Variants in SPAG16 observed in about 807,000 individuals in gnomAD.
SPAG16 encodes sperm-associated antigen 16 protein.
A neutral mutation model predicts 80.4 loss-of-function variants in SPAG16; 86 were observed. The observed-to-expected ratio is 1.07, with a 90% CI of 0.90 to 1.28. The LOEUF is 1.28. Ranked by LOEUF, SPAG16 falls within the 50% of genes most tolerant of loss-of-function variation. SPAG16 has a pLI of 0.00. For missense variants in SPAG16, 870 were observed against 765.3 expected (o/e 1.14, Z -1.61); for synonymous variants, 294 against 265.9 (o/e 1.11, Z -1.03).
At chr2:214,309,314 G>A (rs901167699) in intron 15 of SPAG16, among the ~76,000 whole-genome samples, 9 of 151,812 alleles carry the variant, frequency 5.9e-5, no homozygotes, top group African/African-American at 1.4e-4. Flanking sequence ...TAGCTTCCTC[G>A]CACTGGGTTA....
At chr2:213,728,111 A>G (rs1206419779) in intron 10 of SPAG16, among the ~76,000 whole-genome samples, 1 of 152,212 alleles carries the variant, frequency 6.6e-6, no homozygotes, top group Non-Finnish European at 1.5e-5. Context: ...GGCCTCCCAA[A>G]GTGCTTGGAT....
At chr2:214,034,193 A>T (rs1337460425) in intron 13 of SPAG16, among the ~76,000 whole-genome samples, 2 of 152,230 alleles carry the variant, frequency 1.3e-5, no homozygotes, top group East Asian at 1.9e-4. Flanking sequence ...ACAGAATTTT[A>T]TATCAGGAGG....
intron 15 of SPAG16, among the ~76,000 whole-genome samples, chr2:214,397,083 T>G (rs1701435608): frequency 6.6e-6 from 1 of 151,844 alleles, no homozygotes; most frequent in African/African-American, 2.4e-5. Context: ...AGTGTATGAA[T>G]GCCACTGAGA....
chr2:214,112,489 G>A (rs1230791551), intron 14 of SPAG16, among the ~76,000 whole-genome samples: 2 of 152,070 alleles, frequency 1.3e-5, no homozygotes, highest in African/African-American at 4.8e-5. Context: ...ATGAATTTGG[G>A]TGCTCCTGTA....
intron 9 of SPAG16, among the ~76,000 whole-genome samples, chr2:213,433,533 A>G (rs2070429657): frequency 6.6e-6 from 1 of 152,220 alleles, no homozygotes. Context: ...TTAGTAATAT[A>G]TTTAACCAAG....
intron 2 of SPAG16, chr2:213,296,992 A>G: frequency 5.3e-6 from 6 of 1,131,416 alleles, no homozygotes; most frequent in Non-Finnish European, 6.9e-6. Context: ...TTTTTTCAGC[A>G]GAATTGTTAG....
At chr2:214,198,874 A>G (rs1024049795) in intron 15 of SPAG16, among the ~76,000 whole-genome samples, 2 of 151,826 alleles carry the variant, frequency 1.3e-5, no homozygotes, top group Admixed American at 6.6e-5. Context: ...GCATTTTTTC[A>G]TATGTTTGTT....
At chr2:214,194,422 G>A (rs2057765789) in intron 15 of SPAG16, among the ~76,000 whole-genome samples, 1 of 151,968 alleles carries the variant, frequency 6.6e-6, no homozygotes, top group African/African-American at 2.4e-5. Context: ...TTTGGTATCT[G>A]AAATTACAGG....
At chr2:214,006,644 A>C (rs950980100) in intron 12 of SPAG16, among the ~76,000 whole-genome samples, 3 of 152,228 alleles carry the variant, frequency 2.0e-5, no homozygotes, top group African/African-American at 7.2e-5. Context: ...GTTTTGATGG[A>C]AATGTACAAA....
chr2:213,957,885 G>T (rs539561622), intron 12 of SPAG16, among the ~76,000 whole-genome samples: 2 of 152,162 alleles, frequency 1.3e-5, no homozygotes, highest in Admixed American at 6.5e-5. Context: ...TCTCTTTCTG[G>T]TAAGTGGCCA....
intron 15 of SPAG16, among the ~76,000 whole-genome samples, chr2:214,339,460 T>C (rs1051578229): frequency 3.9e-5 from 6 of 152,198 alleles, no homozygotes; most frequent in African/African-American, 1.2e-4. Context: ...AAAGCAATGT[T>C]GTAATTTAAT....
intron 10 of SPAG16, among the ~76,000 whole-genome samples, chr2:213,692,822 A>AG (rs2065001991): frequency 1.3e-5 from 2 of 151,200 alleles, no homozygotes; most frequent in African/African-American, 4.9e-5. Context: ...AAAAAAAAAA[A>AG]AAAGAAAAAA....
intron 15 of SPAG16, among the ~76,000 whole-genome samples, chr2:214,344,853 A>G (rs1697951048): frequency 6.6e-6 from 1 of 151,974 alleles, no homozygotes; most frequent in South Asian, 2.1e-4. Flanking sequence ...TCCTCATCTC[A>G]TATGGTTTTC....
At chr2:213,629,250 G>A (rs1293228323) in intron 10 of SPAG16, among the ~76,000 whole-genome samples, 1 of 152,146 alleles carries the variant, frequency 6.6e-6, no homozygotes, top group Non-Finnish European at 1.5e-5. Flanking sequence ...GCAATAAAGT[G>A]GTCAGAATGA....
chr2:213,607,932 C>T (rs372763289), intron 10 of SPAG16, among the ~76,000 whole-genome samples: 2 of 152,112 alleles, frequency 1.3e-5, no homozygotes, highest in Non-Finnish European at 2.9e-5. Flanking sequence ...TAATTTTGTG[C>T]TTTCTGGACT....
At chr2:213,835,679 C>T (rs1294153464) in intron 10 of SPAG16, among the ~76,000 whole-genome samples, 1 of 152,022 alleles carries the variant, frequency 6.6e-6, no homozygotes, top group Non-Finnish European at 1.5e-5. Flanking sequence ...ATTTTAACCT[C>T]CATAATTATA....
intron 15 of SPAG16, among the ~76,000 whole-genome samples, chr2:214,162,132 C>G (rs1463825163): frequency 6.6e-6 from 1 of 152,078 alleles, no homozygotes; most frequent in Non-Finnish European, 1.5e-5. Flanking sequence ...TTTCTCGTTC[C>G]CTTATCAGAA....
At chr2:213,695,051 T>C (rs998755540) in intron 10 of SPAG16, among the ~76,000 whole-genome samples, 4 of 152,154 alleles carry the variant, frequency 2.6e-5, no homozygotes, top group African/African-American at 9.7e-5. Context: ...TTTTTGTTAA[T>C]CCACTTCCCT....
intron 9 of SPAG16, among the ~76,000 whole-genome samples, chr2:213,446,640 A>G (rs1244406757): frequency 1.3e-5 from 2 of 152,166 alleles, no homozygotes; most frequent in Admixed American, 6.6e-5. Flanking sequence ...TACCTACTAC[A>G]CAAAATTATT....
Sources: allele counts gnomAD v4.1 joint callset (sites outside exome capture counted in the v4.1 genomes callset), GRCh38; gene constraint gnomAD v4.1.1; transcripts MANE v1.5; gene names NCBI Gene and HGNC (gene_info 2026-07-23, HGNC 2026-07-21).